KDM6A: variants seen among roughly 807,000 people sequenced by gnomAD.
The protein encoded by KDM6A is lysine-specific demethylase 6A.
Under a neutral mutation model 117.6 loss-of-function variants are expected in KDM6A, and 11 were observed. The observed-to-expected ratio is 0.09, with a 90% confidence interval of 0.06 to 0.15. The LOEUF is 0.15. Among genes scored for constraint, KDM6A ranks in the 10% least tolerant of loss-of-function variants. KDM6A has a pLI of 1.00. For missense variants in KDM6A, 799 were observed against 1,077.3 expected (o/e 0.74, Z 3.62); for synonymous variants, 384 against 396.1 (o/e 0.97, Z 0.36).
chrX:45,011,242 A>G (rs2041743625), intron 5 of KDM6A, among the ~76,000 whole-genome samples: 2 of 111,942 alleles, frequency 1.8e-5, no homozygotes, highest in Admixed American at 9.5e-5. Context: ...AGAATCTAGT[A>G]TAAGATTCTG....
chrX:44,953,909 T>C (rs149136905), intron 2 of KDM6A, among the ~76,000 whole-genome samples: 132 of 110,008 alleles, frequency 1.2e-3, no homozygotes, highest in African/African-American at 4.3e-3. Context: ...GTACAAAAAT[T>C]AGCCAGGCGT....
At chrX:45,016,451 TTTTATGTATGTA>T (rs755238741) in intron 5 of KDM6A, among the ~76,000 whole-genome samples, 1,171 of 90,437 alleles carry the variant, frequency 0.013, 18 homozygotes, top group African/African-American at 0.044. Context: ...ATTGATTTTA[TTTTATGTATGTA>T]TGTATGTATG....
At chrX:45,093,473 A>G (rs1331082014) in intron 27 of KDM6A, among the ~76,000 whole-genome samples, 1 of 110,427 alleles carries the variant, frequency 9.1e-6, no homozygotes, top group Non-Finnish European at 1.9e-5. Flanking sequence ...AGGGAGGACA[A>G]ATTAGGAGGC....
chrX:45,043,208 T>G (rs1200555344), intron 8 of KDM6A, among the ~76,000 whole-genome samples: 1 of 111,254 alleles, frequency 9.0e-6, no homozygotes, highest in Non-Finnish European at 1.9e-5. Flanking sequence ...AAGGATCTCT[T>G]GAGCCTGGGA....
At chrX:45,008,414 T>C (rs1279753479) in intron 4 of KDM6A, among the ~76,000 whole-genome samples, 1 of 111,326 alleles carries the variant, frequency 9.0e-6, no homozygotes, top group East Asian at 2.8e-4. Flanking sequence ...TAAACTCATA[T>C]TTCTATAGTA....
In KDM6A at chrX:45,069,592, G is replaced by C. The variant is rs1320659151; in HGVS notation, c.2093G>C (p.Gly698Ala). The part of the protein sequence containing the change: ...LSNSTQGLHK[G>A]QSSHSAGPNG... ...CTTTCTTTTTAGGGGCTTCACAAAG[G>C]TCAGAGTTCACATTCGGCAGGTCCT... The change falls in exon 18 of 30, where the codon GGT becomes GCT. Residue 698 changes from glycine to alanine, a missense_variant. Around this residue, in one of 8 missense-constraint regions of KDM6A, gnomAD observed 301 missense variants for 318.3 expected, o/e 0.95. Coordinates refer to ENST00000611820, the MANE Select transcript of KDM6A (RefSeq NM_001291415.2). The C allele has an allele frequency of 8.3e-7, 1 of 1,210,589 alleles. No individual in the cohort carries two copies. Among genetic ancestry groups the C allele is most frequent in the Non-Finnish European group, 1.1e-6 (1 of 894,774 alleles).
intron 3 of KDM6A, among the ~76,000 whole-genome samples, chrX:44,966,140 T>A (rs7888949): frequency 0.076 from 8,283 of 108,703 alleles, 685 homozygotes; most frequent in African/African-American, 0.24. Context: ...ATATATATTT[T>A]TTTTTTAATT....
At chrX:45,077,531 C>T (rs1480068762) in intron 19 of KDM6A, among the ~76,000 whole-genome samples, 1 of 110,157 alleles carries the variant, frequency 9.1e-6, no homozygotes, top group Non-Finnish European at 1.9e-5. Context: ...ATAGATTTAA[C>T]CCCCTTGCCC....
chrX:44,957,493 C>T (rs182566237), intron 2 of KDM6A, among the ~76,000 whole-genome samples: 1 of 111,954 alleles, frequency 8.9e-6, no homozygotes, highest in Admixed American at 9.5e-5. Flanking sequence ...GTAATGGTAA[C>T]GTTACTTTTC....
At chrX:44,944,567 G>A (rs1372673429) in intron 2 of KDM6A, among the ~76,000 whole-genome samples, 5 of 111,019 alleles carry the variant, frequency 4.5e-5, no homozygotes, top group African/African-American at 6.6e-5. Context: ...TCTTCTCTGC[G>A]CTTATTTAGG....
chrX:44,957,712 A>G (rs1251278803), intron 2 of KDM6A, among the ~76,000 whole-genome samples: 1 of 111,857 alleles, frequency 8.9e-6, no homozygotes, highest in Admixed American at 9.5e-5. Flanking sequence ...TCCACCAGCT[A>G]TAAACAATTA....
Position 45,060,706 on chromosome X carries a change from G to A in KDM6A, c.1427G>A (p.Ser476Asn). The A allele has an allele frequency of 9.3e-7, 1 of 1,070,093 alleles. No homozygotes were observed. The highest frequency in any genetic ancestry group is 1.2e-6 in the Non-Finnish European group (1 of 810,487). 88.2% of individuals were successfully genotyped at this position (1,070,093 alleles called of 1,213,427 possible). A position where few individuals can be genotyped will look rare whatever the true frequency, so the allele number is the denominator to read the frequency against. ...QSLPLHMIPS[S>N]QVDDLSSPAK... ...TTGCCACTACACATGATTCCTTCTA[G>A]CCAAGTAGATGACCTGTCCAGTCCT... The change falls in exon 14 of 30, where the codon AGC becomes AAC. Residue 476 changes from serine to asparagine, a missense_variant. This residue lies in a region of KDM6A where 301 missense variants were observed against 318.3 expected (regional missense o/e 0.95). Coordinates refer to ENST00000611820, the MANE Select transcript of KDM6A (RefSeq NM_001291415.2).
chrX:44,941,996 CG>C (rs892020253), intron 2 of KDM6A, among the ~76,000 whole-genome samples: 7 of 109,134 alleles, frequency 6.4e-5, no homozygotes, highest in African/African-American at 2.0e-4. Context: ...GGGTGGAATT[CG>C]AGCATATGAA....
chrX:45,044,324 G>A (rs1343363647), intron 8 of KDM6A, among the ~76,000 whole-genome samples: 1 of 111,142 alleles, frequency 9.0e-6, no homozygotes, highest in Non-Finnish European at 1.9e-5. Context: ...TCTTTTTCTT[G>A]AATTTAGTGA....
chrX:44,895,207 G>A (rs760087640), intron 2 of KDM6A, among the ~76,000 whole-genome samples: 40 of 108,820 alleles, frequency 3.7e-4, no homozygotes, highest in East Asian at 1.4e-3. Flanking sequence ...CTGGGTTTGC[G>A]CCATTCTCCT....
At chrX:45,110,678 A>G (rs1236043533) in intron 29 of KDM6A, among the ~76,000 whole-genome samples, 1 of 112,102 alleles carries the variant, frequency 8.9e-6, no homozygotes, top group African/African-American at 3.2e-5. Context: ...TGTCCTTGCC[A>G]GAAGTATTAA....
intron 5 of KDM6A, among the ~76,000 whole-genome samples, chrX:45,017,806 C>T (rs750941207): frequency 1.1e-4 from 12 of 111,813 alleles, no homozygotes; most frequent in Admixed American, 2.9e-4. Context: ...GGAGACAGCA[C>T]ACTGATAGGT....
At chrX:45,106,013 C>T (rs933004108) in intron 27 of KDM6A, among the ~76,000 whole-genome samples, 1 of 111,426 alleles carries the variant, frequency 9.0e-6, no homozygotes. Flanking sequence ...CATTCCCCCC[C>T]GCCCCTTCCC....
intron 27 of KDM6A, among the ~76,000 whole-genome samples, chrX:45,099,700 T>TA (rs779473766): frequency 8.9e-6 from 1 of 112,102 alleles, no homozygotes; most frequent in South Asian, 3.7e-4. Context: ...ATATGGTTTT[T>TA]ATCCTGTGGC....
Sources: gnomAD v4.1 joint callset for allele counts (sites outside exome capture counted in the v4.1 genomes callset) on GRCh38, gnomAD v4.1.1 for gene constraint, gnomAD v4.1.1 regional missense constraint, MANE v1.5 for transcripts, NCBI Gene and HGNC (gene_info 2026-07-23, HGNC 2026-07-21) for gene names.